Variants in LINGO2 observed in about 807,000 individuals in gnomAD.
LINGO2 encodes the protein leucine rich repeat and Ig domain containing 2.
LINGO2 carries 14 observed loss-of-function variants against 30.6 expected under a neutral mutation model. The ratio of observed to expected loss-of-function variants is 0.46; its 90% CI spans 0.30 to 0.72. The LOEUF (loss-of-function observed/expected upper bound fraction) is 0.72, where lower values mean the gene tolerates loss of function less well. Ranked by LOEUF, LINGO2 falls within the 30% of genes least tolerant of loss-of-function variation. LINGO2 has a pLI of 0.07. For synonymous variants in LINGO2, 317 were observed against 288.5 expected, an observed-to-expected ratio of 1.10 and a Z score of -1.00; for missense variants, 729 against 751.7, an observed-to-expected ratio of 0.97 and a Z score of 0.35.
At chr9:29,033,585 G>T in the LINGO2 span, among the ~76,000 whole-genome samples, 1 of 151,700 alleles carries the variant, frequency 6.6e-6, no homozygotes, top group Non-Finnish European at 1.5e-5. Context: ...GTGTTATCTT[G>T]CTCTGTAATT....
At chr9:29,055,791 A>T in the LINGO2 span, among the ~76,000 whole-genome samples, 1 of 151,792 alleles carries the variant, frequency 6.6e-6, no homozygotes, top group Non-Finnish European at 1.5e-5. Flanking sequence ...CTTAGCTCCC[A>T]CTTATGAGTG....
At chr9:28,617,187 A>C (rs900376143) in intron 1 of LINGO2, among the ~76,000 whole-genome samples, 3 of 152,178 alleles carry the variant, frequency 2.0e-5, no homozygotes, top group Admixed American at 2.0e-4. Context: ...TAAAGACAAA[A>C]ATAAGACTAA....
At chr9:28,561,642 GTATTA>G (rs1221867403) in intron 1 of LINGO2, among the ~76,000 whole-genome samples, 1 of 131,552 alleles carries the variant, frequency 7.6e-6, no homozygotes, top group Non-Finnish European at 1.6e-5. Context: ...ATATATAAAT[GTATTA>G]TATATGTATA....
chr9:28,869,881 C>A, the LINGO2 span, among the ~76,000 whole-genome samples: 65 of 152,064 alleles, frequency 4.3e-4, 1 homozygote, highest in East Asian at 0.012. Context: ...GTTTTACACC[C>A]TACCCTGCCT....
intron 4 of LINGO2, among the ~76,000 whole-genome samples, chr9:28,077,535 A>G (rs557227309): frequency 6.6e-6 from 1 of 152,180 alleles, no homozygotes; most frequent in Non-Finnish European, 1.5e-5. Flanking sequence ...CTGGGAACCC[A>G]TGTTCCTATT....
chr9:28,701,553 A>G, the LINGO2 span, among the ~76,000 whole-genome samples: 4 of 152,140 alleles, frequency 2.6e-5, no homozygotes, highest in Admixed American at 6.6e-5. Flanking sequence ...GTTACTGTAT[A>G]TTTAACACAA....
chr9:28,368,797 C>T lies in LINGO2; in HGVS notation c.-246+4039G>A, dbSNP rs146623393. Among the ~76,000 whole-genome samples, 881 of 137,050 alleles carry T rather than the reference C, an allele frequency of 6.4e-3. 5 individuals are homozygous for T. Among genetic ancestry groups the T allele is most frequent in the East Asian group, 0.015 (61 of 4,116 alleles). The allele number at this position is 137,050 out of a possible 152,430, so 89.9% of individuals were successfully genotyped here. ...ATTTTTAGTGGAGACGGGGTTTCAC[C>T]GTGTTAGCCAGGATGGTCTCGATCT... On this transcript the variant is annotated intron_variant, in intron 3 of 5. Transcript: ENST00000379992.
intron 4 of LINGO2, among the ~76,000 whole-genome samples, chr9:28,133,864 T>C (rs957766854): frequency 2.0e-5 from 3 of 152,200 alleles, no homozygotes; most frequent in South Asian, 2.1e-4. Context: ...ATGCCATCCA[T>C]CATTTACTAA....
chr9:29,124,229 C>A, the LINGO2 span, among the ~76,000 whole-genome samples: 1 of 151,980 alleles, frequency 6.6e-6, no homozygotes, highest in Non-Finnish European at 1.5e-5. Flanking sequence ...TGAAACTGGA[C>A]CCCTTCTATT....
At chr9:28,168,164 A>G (rs976031807) in intron 4 of LINGO2, among the ~76,000 whole-genome samples, 4 of 152,182 alleles carry the variant, frequency 2.6e-5, no homozygotes, top group African/African-American at 4.8e-5. Context: ...GTGTGGTGAT[A>G]ACATCATTTG....
At chr9:29,063,134 C>T in the LINGO2 span, among the ~76,000 whole-genome samples, 1 of 149,182 alleles carries the variant, frequency 6.7e-6, no homozygotes, top group Non-Finnish European at 1.5e-5. Context: ...TTGTTCTAGA[C>T]AAAATAATGT....
intron 2 of LINGO2, among the ~76,000 whole-genome samples, chr9:28,413,501 T>C (rs1372450133): frequency 6.6e-6 from 1 of 152,120 alleles, no homozygotes; most frequent in Non-Finnish European, 1.5e-5. Flanking sequence ...CTCCAACTTC[T>C]CCCTCTCAGT....
intron 4 of LINGO2, among the ~76,000 whole-genome samples, chr9:28,208,290 G>A (rs1263783030): frequency 1.3e-5 from 2 of 152,056 alleles, no homozygotes; most frequent in African/African-American, 2.4e-5. Context: ...TGCTGCCTGT[G>A]GGGTGGGGGA....
intron 1 of LINGO2, among the ~76,000 whole-genome samples, chr9:28,511,747 C>T (rs1187603350): frequency 1.3e-5 from 2 of 152,230 alleles, no homozygotes; most frequent in Non-Finnish European, 1.5e-5. Flanking sequence ...AGCCAAACCA[C>T]TGGCTACAGC....
chr9:28,226,639 GAAGGAAAGAAAGAAAGAAAGAA>G lies in LINGO2; in HGVS notation c.-87+68547_-87+68568del, dbSNP rs1200109451. On this transcript the variant is annotated intron_variant, in intron 4 of 5. Transcript: ENST00000379992. The stretch of plus-strand genomic sequence containing the variant: ...AGAAGGAAAGAAGGAAAGAAGGAAA[GAAGGAAAGAAAGAAAGAAAGAA>G]AGAAAGAAAGAAAGAAAGAAAGAAA... 7.3e-4 allele frequency among the ~76,000 whole-genome samples: 40 copies of G among 54,886 alleles called. 1 individual carries two copies. In the East Asian group the frequency reaches 0.028, roughly 38 times the overall value. 36.0% of individuals were successfully genotyped at this position (54,886 alleles called of 152,430 possible). A position where few individuals can be genotyped will look rare whatever the true frequency, so the allele number is the denominator to read the frequency against.
At chr9:28,304,732 A>G (rs916355904) in intron 3 of LINGO2, among the ~76,000 whole-genome samples, 1 of 152,056 alleles carries the variant, frequency 6.6e-6, no homozygotes, top group African/African-American at 2.4e-5. Flanking sequence ...ATGTTTAACT[A>G]TATTAGAAAC....
chr9:27,973,179 C>T (rs1424825690), intron 5 of LINGO2, among the ~76,000 whole-genome samples: 1 of 152,144 alleles, frequency 6.6e-6, no homozygotes. Flanking sequence ...AGTTTGTGTG[C>T]ATCCACATCT....
At chr9:28,692,320 C>G in the LINGO2 span, among the ~76,000 whole-genome samples, 1 of 151,784 alleles carries the variant, frequency 6.6e-6, no homozygotes, top group Non-Finnish European at 1.5e-5. Context: ...ACTAAAAATA[C>G]AAATATTAGC....
chr9:28,163,223 T>A (rs555552562), intron 4 of LINGO2, among the ~76,000 whole-genome samples: 1 of 152,248 alleles, frequency 6.6e-6, no homozygotes, highest in African/African-American at 2.4e-5. Flanking sequence ...AGGGGTTAGT[T>A]ATTTCTAGAT....
Sources: gnomAD v4.1 joint callset for allele counts (sites outside exome capture counted in the v4.1 genomes callset) on GRCh38, gnomAD v4.1.1 for gene constraint, MANE v1.5 for transcripts, NCBI Gene and HGNC (gene_info 2026-07-23, HGNC 2026-07-21) for gene names.